BRMS1L: variants seen among roughly 807,000 people sequenced by gnomAD.
BRMS1L encodes breast cancer metastasis-suppressor 1-like protein.
In BRMS1L, 23 loss-of-function variants were observed where a neutral mutation model predicts 50.3. That is an observed-to-expected ratio of 0.46 (90% CI 0.33 to 0.65). The LOEUF (loss-of-function observed/expected upper bound fraction) is 0.65, where lower values mean the gene tolerates loss of function less well. Among genes scored for constraint, BRMS1L ranks in the 30% least tolerant of loss-of-function variants. The probability of loss-of-function intolerance (pLI) is 0.02; values close to 1 mark genes in which losing one functional copy is unlikely to be tolerated. For missense variants in BRMS1L, 286 were observed against 386.1 expected (o/e 0.74, Z 2.17); for synonymous variants, 114 against 126.9 (o/e 0.90, Z 0.69).
chr14:35,844,698 G>A (rs1301902163), intron 4 of BRMS1L, among the ~76,000 whole-genome samples: 1 of 152,160 alleles, frequency 6.6e-6, no homozygotes, highest in Non-Finnish European at 1.5e-5. Flanking sequence ...AGTTCTAGCT[G>A]CTTGAGTTGC....
chr14:35,856,044 C>T (rs531886550), intron 4 of BRMS1L, among the ~76,000 whole-genome samples: 35 of 152,146 alleles, frequency 2.3e-4, no homozygotes, highest in African/African-American at 8.4e-4. Flanking sequence ...TTTGTTCTTA[C>T]GTTAGACTCA....
chr14:35,848,768 G>A lies in BRMS1L; in HGVS notation c.442-13822G>A, dbSNP rs538183093. ...AATGTCCTCTAGGTTCATTCATGTT[G>A]TCGCAAGTGACAGGATTTCCTTCTG... On this transcript the variant is annotated intron_variant, in intron 4 of 9. Transcript: ENST00000216807. Among the ~76,000 whole-genome samples the A allele has an allele frequency of 2.6e-5, 4 of 152,150 alleles. No homozygotes were observed. The East Asian group carries it at 7.7e-4, about 29-fold the overall frequency.
At chr14:35,836,874 A>G (rs1442275873) in intron 4 of BRMS1L, among the ~76,000 whole-genome samples, 2 of 152,072 alleles carry the variant, frequency 1.3e-5, no homozygotes, top group Non-Finnish European at 2.9e-5. Flanking sequence ...ATCCATGAGC[A>G]TGGAATGTTT....
intron 4 of BRMS1L, among the ~76,000 whole-genome samples, chr14:35,836,120 C>G (rs150355113): frequency 6.6e-6 from 1 of 152,020 alleles, no homozygotes; most frequent in Non-Finnish European, 1.5e-5. Flanking sequence ...TAAGAAGTGC[C>G]TATTTGTATT....
intron 1 of BRMS1L, among the ~76,000 whole-genome samples, chr14:35,826,920 TG>T (rs1275751116): frequency 4.6e-5 from 7 of 152,204 alleles, no homozygotes; most frequent in African/African-American, 1.7e-4. Context: ...GGTGGTGCTC[TG>T]GAGCGACCAG....
At chr14:35,834,524 A>C (rs1024064992) in intron 3 of BRMS1L, among the ~76,000 whole-genome samples, 1 of 152,160 alleles carries the variant, frequency 6.6e-6, no homozygotes, top group Admixed American at 6.5e-5. Flanking sequence ...GAAACTTGAG[A>C]GATTGTTTTT....
rs2078443128 is a variant in BRMS1L at position 35,868,000 on chromosome 14, A to G, written c.822A>G (p.Ile274Met). Reference protein sequence around the residue: ...DGEWYIRGQTICIDKKDECPT... With the variant: ...DGEWYIRGQTMCIDKKDECPT... ...AATGGTATATACGTGGACAAACAAT[A>G]TGTATTGATAAAAAAGATGAATGTC... Residue 274 changes from isoleucine (I) to methionine (M), a missense_variant, in exon 9 of 10, where the codon ATA becomes ATG. Physicochemically the swap from Ile to Met is conservative, Grantham distance 10 (BLOSUM62 1). This residue lies in a region of BRMS1L where 49 missense variants were observed against 39.1 expected (regional missense o/e 1.25). Coordinates refer to ENST00000216807, the MANE Select transcript of BRMS1L (RefSeq NM_032352.4). The G allele has an allele frequency of 1.2e-6, 2 of 1,608,336 alleles. No individual in the cohort carries two copies. Among genetic ancestry groups the G allele is most frequent in the East Asian group, 2.2e-5 (1 of 44,528 alleles).
chr14:35,863,515 T>C (rs973015829), intron 5 of BRMS1L, among the ~76,000 whole-genome samples: 4 of 152,214 alleles, frequency 2.6e-5, no homozygotes, highest in African/African-American at 9.6e-5. Context: ...TTCACTTTTC[T>C]AAATCAATCT....
At chr14:35,848,322 T>C (rs2142049831) in intron 4 of BRMS1L, among the ~76,000 whole-genome samples, 1 of 152,298 alleles carries the variant, frequency 6.6e-6, no homozygotes, top group East Asian at 1.9e-4. Context: ...GTTTCCAGTA[T>C]ACAATACATT....
At chr14:35,851,612 A>G (rs1380394611) in intron 4 of BRMS1L, among the ~76,000 whole-genome samples, 4 of 152,204 alleles carry the variant, frequency 2.6e-5, no homozygotes, top group African/African-American at 4.8e-5. Context: ...TTTTAAGCAT[A>G]CAAGTGTTTT....
intron 4 of BRMS1L, among the ~76,000 whole-genome samples, chr14:35,858,294 G>A (rs919106510): frequency 2.6e-5 from 4 of 151,936 alleles, no homozygotes; most frequent in African/African-American, 9.7e-5. Flanking sequence ...TCTATCCCTC[G>A]TGTCCCCTAT....
intron 4 of BRMS1L, among the ~76,000 whole-genome samples, chr14:35,857,493 A>T (rs572698800): frequency 2.0e-5 from 3 of 151,806 alleles, no homozygotes; most frequent in East Asian, 1.9e-4. Flanking sequence ...CTTAAAAAAA[A>T]ATTTTTTTAT....
At chr14:35,833,551 T>C (rs1056829438) in intron 3 of BRMS1L, among the ~76,000 whole-genome samples, 1 of 152,126 alleles carries the variant, frequency 6.6e-6, no homozygotes, top group Non-Finnish European at 1.5e-5. Flanking sequence ...AAACTTGCCT[T>C]GAACTAGATG....
chr14:35,837,989 C>T (rs2078016496), intron 4 of BRMS1L, among the ~76,000 whole-genome samples: 1 of 152,208 alleles, frequency 6.6e-6, no homozygotes, highest in Non-Finnish European at 1.5e-5. Context: ...CCATCATCTA[C>T]ATTAGGTATT....
intron 1 of BRMS1L, chr14:35,829,689 C>T (rs2077893008): frequency 7.0e-6 from 3 of 425,888 alleles, no homozygotes; most frequent in Non-Finnish European, 1.1e-5. Flanking sequence ...AGTAAGCAAT[C>T]AAAAGCCAGA....
chr14:35,843,958 CA>C (rs1348275695), intron 4 of BRMS1L, among the ~76,000 whole-genome samples: 2 of 152,194 alleles, frequency 1.3e-5, no homozygotes, highest in Non-Finnish European at 2.9e-5. Flanking sequence ...TGCCCAGTTG[CA>C]ACTTCCTGGT....
intron 6 of BRMS1L, among the ~76,000 whole-genome samples, chr14:35,864,698 T>G (rs920498854): frequency 1.3e-5 from 2 of 152,334 alleles, no homozygotes; most frequent in Admixed American, 6.5e-5. Context: ...ATTGTGTTAG[T>G]GATGTATATT....
intron 4 of BRMS1L, among the ~76,000 whole-genome samples, chr14:35,840,353 A>G (rs771207639): frequency 1.3e-5 from 2 of 152,066 alleles, no homozygotes; most frequent in Non-Finnish European, 2.9e-5. Context: ...GTCTCTGCCA[A>G]ATTTTGGTAT....
At chr14:35,847,155 T>A (rs1408195900) in intron 4 of BRMS1L, among the ~76,000 whole-genome samples, 3 of 152,044 alleles carry the variant, frequency 2.0e-5, no homozygotes, top group Non-Finnish European at 4.4e-5. Flanking sequence ...TATATTTATT[T>A]TTTTGTAGAG....
Sources: gnomAD v4.1 joint callset for allele counts (sites outside exome capture counted in the v4.1 genomes callset) on GRCh38, gnomAD v4.1.1 for gene constraint, gnomAD v4.1.1 regional missense constraint, MANE v1.5 for transcripts, NCBI Gene and HGNC (gene_info 2026-07-23, HGNC 2026-07-21) for gene names.